The following MARK3 variants were observed in gnomAD, a reference collection of about 807,000 sequenced individuals.
MARK3 encodes MAP/microtubule affinity-regulating kinase 3.
MARK3 carries 46 observed loss-of-function variants against 90.1 expected under a neutral mutation model. The ratio of observed to expected loss-of-function variants is 0.51; its 90% CI spans 0.40 to 0.65. The LOEUF (loss-of-function observed/expected upper bound fraction) is 0.65, where lower values mean the gene tolerates loss of function less well. Among genes scored for constraint, MARK3 ranks in the 30% least tolerant of loss-of-function variants. The probability of loss-of-function intolerance (pLI) is 0.00; values close to 1 mark genes in which losing one functional copy is unlikely to be tolerated. For missense variants in MARK3, 818 were observed against 947.2 expected, an observed-to-expected ratio of 0.86 and a Z score of 1.79; for synonymous variants, 321 against 332.6, an observed-to-expected ratio of 0.97 and a Z score of 0.38.
intron 6 of MARK3, among the ~76,000 whole-genome samples, chr14:103,457,486 C>T (rs962590928): frequency 2.0e-5 from 3 of 152,118 alleles, no homozygotes; most frequent in Non-Finnish European, 4.4e-5. Flanking sequence ...TAGAGCCTTT[C>T]AAAAACACCT....
At chr14:103,389,318 T>G (rs11628305) in intron 1 of MARK3, among the ~76,000 whole-genome samples, 1 of 150,284 alleles carries the variant, frequency 6.7e-6, no homozygotes, top group African/African-American at 2.5e-5. Flanking sequence ...GAGCCGAGAT[T>G]GGGCCACCAC....
At chr14:103,448,642 T>C (rs1001849828) in intron 3 of MARK3, among the ~76,000 whole-genome samples, 1 of 152,220 alleles carries the variant, frequency 6.6e-6, no homozygotes, top group Admixed American at 6.5e-5. Context: ...GTTTTCAAGA[T>C]AGCATTGTAA....
intron 2 of MARK3, among the ~76,000 whole-genome samples, 166 bp downstream of exon 2, chr14:103,405,433 C>T (rs2140687933): frequency 6.6e-6 from 1 of 152,246 alleles, no homozygotes; most frequent in East Asian, 1.9e-4. Context: ...TCACTGCAAA[C>T]TCTGCCTCCC....
At chr14:103,442,137 G>T (rs2092872484) in intron 3 of MARK3, among the ~76,000 whole-genome samples, 1 of 152,128 alleles carries the variant, frequency 6.6e-6, no homozygotes, top group Non-Finnish European at 1.5e-5. Flanking sequence ...GGGAGGCTGA[G>T]GTGGGCGGAT....
chr14:103,442,555 A>G (rs952342130), intron 3 of MARK3, among the ~76,000 whole-genome samples: 1 of 152,240 alleles, frequency 6.6e-6, no homozygotes, highest in African/African-American at 2.4e-5. Flanking sequence ...CCAGACTAAC[A>G]TCTTTCTAGG....
chr14:103,475,585 C>T (rs1163308591), intron 13 of MARK3, among the ~76,000 whole-genome samples: 2 of 152,154 alleles, frequency 1.3e-5, no homozygotes, highest in Non-Finnish European at 2.9e-5. Context: ...CCAGAGGAGA[C>T]AAATGCTGTG....
intron 14 of MARK3, among the ~76,000 whole-genome samples, chr14:103,480,836 C>T (rs998876248): frequency 6.6e-6 from 1 of 151,952 alleles, no homozygotes; most frequent in Non-Finnish European, 1.5e-5. Flanking sequence ...GAACAAAAGC[C>T]GAAAGTGGGG....
chr14:103,491,810 AAC>A lies in MARK3; in HGVS notation c.1626_1627del (p.His542GlnfsTer4). 2 of 1,614,154 alleles carry A rather than the reference AAC, an allele frequency of 1.2e-6. No homozygotes were observed. The highest frequency in any genetic ancestry group is 1.7e-6 in the Non-Finnish European group (2 of 1,180,030). On this transcript the variant is annotated frameshift_variant, in exon 15 of 18. Coordinates refer to ENST00000429436, the MANE Select transcript of MARK3 (RefSeq NM_001128918.3). LOFTEE classifies it high-confidence loss of function. ...CTGATCAGAGAACTCCAGTTGCTTC[AAC>A]ACACAGTATCAGTAGTGCAGCCACC... ...IPDQRTPVASTHSISSAATPD... is the reference protein window; with the variant it reads ...IPDQRTPVASXHSISSAATPD...
intron 15 of MARK3, among the ~76,000 whole-genome samples, chr14:103,498,210 A>T (rs1049197155): frequency 1.7e-4 from 4 of 23,190 alleles, no homozygotes; most frequent in African/African-American, 3.4e-4. Flanking sequence ...TCTGTCTTTA[A>T]AAAAAAAAAA....
intron 2 of MARK3, among the ~76,000 whole-genome samples, chr14:103,420,328 C>G (rs1156451670): frequency 6.6e-6 from 1 of 152,060 alleles, no homozygotes; most frequent in Non-Finnish European, 1.5e-5. Flanking sequence ...CTCCTGGGCC[C>G]AAGCAGTCCT....
At chr14:103,451,758 TG>T (rs1320669589) in intron 4 of MARK3, among the ~76,000 whole-genome samples, 159 bp from the exon 5 acceptor site, 2 of 152,246 alleles carry the variant, frequency 1.3e-5, no homozygotes, top group Non-Finnish European at 2.9e-5. Context: ...TCTGTTGTTG[TG>T]GTATTTGATA....
At chr14:103,405,919 C>T (rs1428151207) in intron 2 of MARK3, among the ~76,000 whole-genome samples, 1 of 151,390 alleles carries the variant, frequency 6.6e-6, no homozygotes, top group African/African-American at 2.4e-5. Context: ...AAGACAGGGC[C>T]TTGCCCTGTC....
chr14:103,502,407 C>T (rs1020373168), intron 17 of MARK3, among the ~76,000 whole-genome samples: 8 of 152,220 alleles, frequency 5.3e-5, no homozygotes, highest in African/African-American at 1.7e-4. Context: ...TTTTAGACTG[C>T]GGATGTTGAG....
intron 1 of MARK3, among the ~76,000 whole-genome samples, chr14:103,392,057 A>T (rs1185862796): frequency 6.6e-6 from 1 of 152,174 alleles, no homozygotes; most frequent in African/African-American, 2.4e-5. Context: ...TTTCCCAGTT[A>T]TTTAACAGTT....
intron 2 of MARK3, among the ~76,000 whole-genome samples, chr14:103,413,526 C>G (rs1031668720): frequency 6.7e-6 from 1 of 150,370 alleles, no homozygotes; most frequent in Non-Finnish European, 1.5e-5. Flanking sequence ...TGGACTCAAG[C>G]AACCTCCCAC....
intron 7 of MARK3, among the ~76,000 whole-genome samples, chr14:103,464,362 G>C (rs113960306): frequency 1.5e-5 from 2 of 129,040 alleles, no homozygotes; most frequent in Non-Finnish European, 3.1e-5. Context: ...GCAGTGGTGC[G>C]ATCTCTGCTC....
chr14:103,495,398 T>C (rs985605887), intron 15 of MARK3, among the ~76,000 whole-genome samples: 2 of 151,566 alleles, frequency 1.3e-5, no homozygotes, highest in African/African-American at 4.9e-5. Context: ...GAGGATGGCT[T>C]GAACCCAGGA....
intron 3 of MARK3, among the ~76,000 whole-genome samples, chr14:103,433,088 C>CTTTTTTTTTTTTT (rs371171878): frequency 8.6e-6 from 1 of 116,018 alleles, no homozygotes; most frequent in Non-Finnish European, 1.9e-5. Context: ...CTTTTCTTTT[C>CTTTTTTTTTTTTT]TTTTCTTTTT....
chr14:103,400,947 G>GTGTGTGTGTGTA (rs1246383912), intron 1 of MARK3, among the ~76,000 whole-genome samples: 1 of 140,490 alleles, frequency 7.1e-6, no homozygotes, highest in African/African-American at 2.8e-5. Flanking sequence ...AACATTTTGT[G>GTGTGTGTGTGTA]TGTGTGTGTG....
Sources: gnomAD v4.1 joint callset for allele counts (sites outside exome capture counted in the v4.1 genomes callset) on GRCh38, gnomAD v4.1.1 for gene constraint, MANE v1.5 for transcripts, NCBI Gene and HGNC (gene_info 2026-07-23, HGNC 2026-07-21) for gene names.